C12orf54: variants seen among roughly 807,000 people sequenced by gnomAD.
C12orf54 encodes the protein chromosome 12 open reading frame 54.
C12orf54 carries 24 observed loss-of-function variants against 26.4 expected under a neutral mutation model. That is an observed-to-expected ratio of 0.91 (90% confidence interval 0.66 to 1.28). C12orf54 has a LOEUF of 1.28. C12orf54 is among the 50% of genes most tolerant of loss of function. C12orf54 has a pLI of 0.00. For missense variants in C12orf54, 154 were observed against 150.9 expected, an observed-to-expected ratio of 1.02 and a Z score of -0.11; for synonymous variants, 54 against 47.0, an observed-to-expected ratio of 1.15 and a Z score of -0.61.
At chr12:48,493,158 A>G (rs1937829024) in intron 7 of C12orf54, among the ~76,000 whole-genome samples, 163 bp downstream of exon 7, 1 of 152,202 alleles carries the variant, frequency 6.6e-6, no homozygotes, top group Admixed American at 6.5e-5. Flanking sequence ...ACTAATGGTG[A>G]ACTACAGAGC....
chr12:48,468,162 T>C, the C12orf54 span, among the ~76,000 whole-genome samples: 3 of 152,206 alleles, frequency 2.0e-5, no homozygotes, highest in South Asian at 2.1e-4. Context: ...ATTTATAATG[T>C]CCAGTGGGGA....
the C12orf54 span, among the ~76,000 whole-genome samples, chr12:48,447,380 T>G: frequency 6.6e-6 from 1 of 152,120 alleles, no homozygotes. Context: ...GGCACTAGAC[T>G]ATGGTGTTTT....
At chr12:48,467,164 T>C in the C12orf54 span, among the ~76,000 whole-genome samples, 1 of 151,758 alleles carries the variant, frequency 6.6e-6, no homozygotes, top group Non-Finnish European at 1.5e-5. Context: ...AAAAGACACA[T>C]CAGAAGAGAA....
the C12orf54 span, among the ~76,000 whole-genome samples, chr12:48,447,189 G>GCTCT: frequency 2.1e-5 from 3 of 143,858 alleles, no homozygotes; most frequent in Non-Finnish European, 3.0e-5. Flanking sequence ...AGATATGAGA[G>GCTCT]CTCTCTCTCT....
At chr12:48,453,556 T>TACAC in the C12orf54 span, among the ~76,000 whole-genome samples, 2 of 129,970 alleles carry the variant, frequency 1.5e-5, 1 homozygote, top group Non-Finnish European at 3.3e-5. Context: ...TATACACATA[T>TACAC]ATATACATAT....
chr12:48,441,856 A>C, the C12orf54 span, among the ~76,000 whole-genome samples: 1 of 152,114 alleles, frequency 6.6e-6, no homozygotes, highest in African/African-American at 2.4e-5. Context: ...TAAATTTTCC[A>C]CCTTTTCTTC....
chr12:48,430,704 T>C, the C12orf54 span, among the ~76,000 whole-genome samples: 1 of 152,166 alleles, frequency 6.6e-6, no homozygotes, highest in Non-Finnish European at 1.5e-5. Flanking sequence ...CTGGCGGGAA[T>C]GTAAACTAGT....
the C12orf54 span, among the ~76,000 whole-genome samples, chr12:48,465,476 T>G: frequency 6.6e-6 from 1 of 152,178 alleles, no homozygotes; most frequent in East Asian, 1.9e-4. Flanking sequence ...GAGTGTAAAT[T>G]CATTCAACCA....
the C12orf54 span, among the ~76,000 whole-genome samples, chr12:48,471,886 A>G: frequency 4.6e-5 from 7 of 152,140 alleles, no homozygotes; most frequent in Admixed American, 2.0e-4. Context: ...GATGGATGAC[A>G]TTGGTAATTT....
intron 8 of C12orf54, 117 bp downstream of exon 8, chr12:48,495,096 G>T: frequency 1.3e-6 from 1 of 744,762 alleles, no homozygotes; most frequent in Non-Finnish European, 2.1e-6. Flanking sequence ...CATGAAGCAG[G>T]TGCAGTCATA....
chr12:48,451,065 A>G, the C12orf54 span, among the ~76,000 whole-genome samples: 1 of 152,206 alleles, frequency 6.6e-6, no homozygotes, highest in Non-Finnish European at 1.5e-5. Flanking sequence ...CTTGATGAAC[A>G]TCAAAGAAAA....
At chr12:48,428,756 C>A in the C12orf54 span, among the ~76,000 whole-genome samples, 1 of 151,982 alleles carries the variant, frequency 6.6e-6, no homozygotes, top group Non-Finnish European at 1.5e-5. Context: ...GAATTGGTAC[C>A]AATCCTATTG....
At chr12:48,467,572 C>A in the C12orf54 span, among the ~76,000 whole-genome samples, 1 of 151,940 alleles carries the variant, frequency 6.6e-6, no homozygotes, top group Admixed American at 6.6e-5. Context: ...AAATAAAATT[C>A]TAGAAAATAC....
the C12orf54 span, among the ~76,000 whole-genome samples, chr12:48,466,877 A>T: frequency 2.6e-5 from 4 of 152,294 alleles, no homozygotes; most frequent in African/African-American, 7.2e-5. Context: ...AAATTTGTGA[A>T]TGGATGTTCA....
At chr12:48,489,502 T>C (rs1937736811) in intron 5 of C12orf54, among the ~76,000 whole-genome samples, 1 of 152,108 alleles carries the variant, frequency 6.6e-6, no homozygotes, top group Non-Finnish European at 1.5e-5. Context: ...CTTGGCTCAC[T>C]GCAACCTCTG....
chr12:48,425,760 T>C, the C12orf54 span, among the ~76,000 whole-genome samples: 8 of 152,112 alleles, frequency 5.3e-5, no homozygotes, highest in African/African-American at 1.9e-4. Flanking sequence ...TACTTTTTAA[T>C]AGTAGCCATT....
At chr12:48,436,225 TG>T in the C12orf54 span, among the ~76,000 whole-genome samples, 5 of 152,292 alleles carry the variant, frequency 3.3e-5, no homozygotes, top group South Asian at 1.0e-3. Context: ...TAAATATATA[TG>T]CACCCAATAC....
At chr12:48,472,681 G>C in the C12orf54 span, 7 of 1,614,000 alleles carry the variant, frequency 4.3e-6, no homozygotes, top group Non-Finnish European at 5.1e-6. Context: ...ATGGGCAAAT[G>C]GATTCATTTA....
At chr12:48,450,844 C>G in the C12orf54 span, among the ~76,000 whole-genome samples, 2 of 151,946 alleles carry the variant, frequency 1.3e-5, no homozygotes, top group African/African-American at 4.8e-5. Context: ...AATAGCCTAC[C>G]AACCATAAAA....
Sources: allele counts gnomAD v4.1 joint callset (sites outside exome capture counted in the v4.1 genomes callset), GRCh38; gene constraint gnomAD v4.1.1; transcripts MANE v1.5; gene names NCBI Gene and HGNC (gene_info 2026-07-23, HGNC 2026-07-21).